The following SHANK2 variants were observed in gnomAD, a reference collection of about 807,000 sequenced individuals.
SHANK2 encodes SH3 and multiple ankyrin repeat domains protein 2.
SHANK2 carries 43 observed loss-of-function variants against 133.7 expected under a neutral mutation model. The ratio of observed to expected loss-of-function variants is 0.32; its 90% CI spans 0.25 to 0.41. The LOEUF (loss-of-function observed/expected upper bound fraction) is 0.41, where lower values mean the gene tolerates loss of function less well. Ranked by LOEUF, SHANK2 falls within the 10% of genes least tolerant of loss-of-function variation. The pLI is 1.00. For missense variants in SHANK2, 1,994 were observed against 2,235.8 expected (o/e 0.89, Z 2.18); for synonymous variants, 1,017 against 952.8 (o/e 1.07, Z -1.24).
intron 2 of SHANK2, among the ~76,000 whole-genome samples, chr11:71,199,405 C>T (rs1250963731): frequency 6.6e-6 from 1 of 152,216 alleles, no homozygotes; most frequent in Admixed American, 6.5e-5. Context: ...AGGAGCCAGA[C>T]CGAATGAAAT....
At chr11:70,559,994 C>T (rs1434391686) in intron 17 of SHANK2, among the ~76,000 whole-genome samples, 3 of 152,150 alleles carry the variant, frequency 2.0e-5, no homozygotes, top group African/African-American at 7.2e-5. Flanking sequence ...GCCTCACCCT[C>T]CCAAGTAGCT....
At chr11:70,785,056 TCCTGAGG>T (rs1197065944) in intron 14 of SHANK2, among the ~76,000 whole-genome samples, 1 of 152,180 alleles carries the variant, frequency 6.6e-6, no homozygotes, top group African/African-American at 2.4e-5. Flanking sequence ...CCATGGGGTG[TCCTGAGG>T]CCTGTGTGCC....
At chr11:70,927,211 A>C (rs566586111) in intron 10 of SHANK2, among the ~76,000 whole-genome samples, 1 of 152,350 alleles carries the variant, frequency 6.6e-6, no homozygotes, top group South Asian at 2.1e-4. Context: ...TATTTTATAA[A>C]CAATAATACT....
At position 70,500,661 on chromosome 11, in the gene SHANK2, T is replaced by G; in HGVS notation, c.2288-71A>C. ...CCCGCCCGCAGCCTACACTCGGGCCTTGTCAGCTCAGGGCGCCTCAGGAGC... is the reference window on the plus strand; with the variant it reads ...CCCGCCCGCAGCCTACACTCGGGCCGTGTCAGCTCAGGGCGCCTCAGGAGC... On this transcript the variant is annotated intron_variant, in intron 20 of 25. Coordinates refer to ENST00000601538, the MANE Select transcript of SHANK2 (RefSeq NM_012309.5). This position sits in a 1 kb window ranked among gnomAD's most constrained non-coding sequence, Gnocchi z 4.5. 1 of 1,562,868 alleles carries G rather than the reference T, an allele frequency of 6.4e-7. No individual in the cohort carries two copies. Among genetic ancestry groups the G allele is most frequent in the African/African-American group, 1.4e-5 (1 of 73,794 alleles).
At chr11:70,609,854 T>C (rs1250648583) in intron 17 of SHANK2, among the ~76,000 whole-genome samples, 2 of 2,870 alleles carry the variant, frequency 7.0e-4, no homozygotes, top group Non-Finnish European at 3.7e-3. Context: ...ATGTATATTA[T>C]GGAATATAAT....
rs1475753016 is a variant in SHANK2, at chr11:71,216,237, A to G, written c.-13+8460T>C. 4.6e-5 allele frequency among the ~76,000 whole-genome samples: 7 copies of G among 152,372 alleles called. No homozygotes were observed. The East Asian group carries it at 9.6e-4, about 21-fold the overall frequency. On this transcript the variant is annotated intron_variant, in intron 2 of 25. Transcript: ENST00000601538. ...AAATGTCCAGCATGTGATAAACATA[A>G]TATTGGATTAAAAAGATGCTGTATC...
chr11:70,714,969 CTT>C (rs559854814), intron 14 of SHANK2, among the ~76,000 whole-genome samples: 11 of 142,654 alleles, frequency 7.7e-5, no homozygotes, highest in Non-Finnish European at 7.7e-5. Context: ...CCACACTTGG[CTT>C]TTTTTTTTTT....
At chr11:71,066,333 G>A (rs1052330351) in intron 9 of SHANK2, among the ~76,000 whole-genome samples, 3 of 146,152 alleles carry the variant, frequency 2.1e-5, no homozygotes, top group African/African-American at 7.6e-5. Flanking sequence ...CCAGGGAGAT[G>A]AGCAGTGAGT....
intron 14 of SHANK2, among the ~76,000 whole-genome samples, chr11:70,781,561 TATATATATA>T (rs1947493713): frequency 1.9e-5 from 2 of 105,032 alleles, no homozygotes; most frequent in African/African-American, 7.1e-5. Context: ...TTACTTATTA[TATATATATA>T]TATATATATA....
chr11:70,578,368 C>T (rs1205730253), intron 17 of SHANK2, among the ~76,000 whole-genome samples: 1 of 152,230 alleles, frequency 6.6e-6, no homozygotes, highest in African/African-American at 2.4e-5. Context: ...GAGTGGGTTT[C>T]AGGAATGGCA....
rs2058809377 is a variant in SHANK2, at chr11:70,486,584, C to G, written c.3709G>C (p.Glu1237Gln). ...MKESQQGPKG[E>Q]APKADLNKPL... ...TTGTTGAGGTCGGCCTTGGGGGCCTCCCCTTTGGGTCCCTGTTGAGACTCC... is the reference window on the plus strand; with the variant it reads ...TTGTTGAGGTCGGCCTTGGGGGCCTGCCCTTTGGGTCCCTGTTGAGACTCC... The change falls in exon 25 of 26, where the codon GAG becomes CAG. Residue 1237 changes from glutamate to glutamine, a missense_variant. Physicochemically the swap from Glu to Gln is conservative, Grantham distance 29. Coordinates refer to ENST00000601538, the MANE Select transcript of SHANK2 (RefSeq NM_012309.5). The surrounding 1 kb of genome is among the most constrained non-coding windows in gnomAD (Gnocchi z 8.0). The G allele has an allele frequency of 6.2e-7, 1 of 1,613,962 alleles. No individual in the cohort carries two copies. Among genetic ancestry groups the G allele is most frequent in the Non-Finnish European group, 8.5e-7 (1 of 1,180,032 alleles).
chr11:70,749,385 A>G (rs1946710825), intron 14 of SHANK2, among the ~76,000 whole-genome samples: 1 of 152,274 alleles, frequency 6.6e-6, no homozygotes, highest in Non-Finnish European at 1.5e-5. Context: ...TGAAGGCAAG[A>G]TGGAGATTCC....
chr11:70,893,421 T>C (rs1949882411), intron 11 of SHANK2, among the ~76,000 whole-genome samples: 1 of 152,222 alleles, frequency 6.6e-6, no homozygotes, highest in Non-Finnish European at 1.5e-5. Context: ...GGTTCCAACC[T>C]ACAGGTTTAG....
intron 13 of SHANK2, among the ~76,000 whole-genome samples, chr11:70,805,226 G>C (rs1214200998): frequency 6.6e-6 from 1 of 152,122 alleles, no homozygotes; most frequent in East Asian, 1.9e-4. Context: ...CAGAGGAGCA[G>C]CTCCCACCCT....
intron 3 of SHANK2, among the ~76,000 whole-genome samples, chr11:71,123,069 A>G (rs1952109026): frequency 6.6e-6 from 1 of 152,004 alleles, no homozygotes; most frequent in African/African-American, 2.4e-5. Flanking sequence ...CTCCCTCCAT[A>G]CGTGATGGGA....
intron 1 of SHANK2, among the ~76,000 whole-genome samples, chr11:71,238,078 T>A (rs1246692405): frequency 6.6e-6 from 1 of 152,220 alleles, no homozygotes; most frequent in Non-Finnish European, 1.5e-5. Flanking sequence ...ATGTTGCCGA[T>A]GTCCCTTGCA....
At chr11:70,775,868 A>G (rs61885462) in intron 14 of SHANK2, among the ~76,000 whole-genome samples, 17,874 of 152,258 alleles carry the variant, frequency 0.12, 1,235 homozygotes, top group South Asian at 0.29. Flanking sequence ...TAATCCCCGA[A>G]TCTGTTTCCC....
At chr11:70,673,123 G>C (rs1555016475) in intron 15 of SHANK2, among the ~76,000 whole-genome samples, 2 of 152,250 alleles carry the variant, frequency 1.3e-5, no homozygotes, top group East Asian at 3.9e-4. Context: ...ATATGGGGCT[G>C]TCAGTTTTAA....
At chr11:70,835,389 G>A (rs1240319088) in intron 11 of SHANK2, among the ~76,000 whole-genome samples, 6 of 152,204 alleles carry the variant, frequency 3.9e-5, no homozygotes, top group Non-Finnish European at 7.3e-5. Context: ...AGAGGCTCAT[G>A]TGCTGAGACA....
Sources: allele counts gnomAD v4.1 joint callset (sites outside exome capture counted in the v4.1 genomes callset), GRCh38; gene constraint gnomAD v4.1.1; non-coding constraint Gnocchi (gnomAD v3.1); transcripts MANE v1.5; gene names NCBI Gene and HGNC (gene_info 2026-07-23, HGNC 2026-07-21).